The following AMPD1 variants were observed in gnomAD, a reference collection of about 807,000 sequenced individuals.
AMPD1 encodes the protein AMP deaminase 1.
In AMPD1, 74 loss-of-function variants were observed where a neutral mutation model predicts 82.9. The ratio of observed to expected loss-of-function variants is 0.89; its 90% CI spans 0.74 to 1.08. The LOEUF is 1.08. Among genes scored for constraint, AMPD1 ranks in the 50% least tolerant of loss-of-function variants. The pLI is 0.00. For missense variants in AMPD1, 881 were observed against 924.5 expected, an observed-to-expected ratio of 0.95 and a Z score of 0.61; for synonymous variants, 333 against 320.5, an observed-to-expected ratio of 1.04 and a Z score of -0.42.
At chr1:114,678,073 A>G in intron 8 of AMPD1, 32 bp from the exon 9 acceptor site, 19 of 1,613,240 alleles carry the variant, frequency 1.2e-5, no homozygotes, top group Non-Finnish European at 1.6e-5. Context: ...GAGATGTATT[A>G]TTACCAGAGC....
In AMPD1 at chr1:114,677,955, C is replaced by T; in HGVS notation, c.1179G>A (p.Lys393=). Residue 393 remains lysine, a synonymous_variant, in exon 9 of 16, where the codon AAG becomes AAA. Transcript: ENST00000520113. ...ATTCCCCATTAATGTAATTGTCTGT[C>T]TTCAAGTAGAGGTCCCGTAGCTCAC... ...GASELRDLYL[K]TDNYINGEYF... The T allele has an allele frequency of 6.2e-7, 1 of 1,613,932 alleles. No homozygotes were observed. The highest frequency in any genetic ancestry group is 8.5e-7 in the Non-Finnish European group (1 of 1,179,980).
chr1:114,695,473 G>C lies in AMPD1; in HGVS notation c.-2C>G, dbSNP rs192509679. The stretch of plus-strand genomic sequence containing the variant: ...ACCTGGGAGTTTGAACAGAGGCATT[G>C]TTGCTGAAATCCTTGATTCTAGGAT... On this transcript the variant is annotated 5_prime_UTR_variant, in exon 1 of 16. Transcript: ENST00000520113. 1 of 1,613,842 alleles carries C rather than the reference G, an allele frequency of 6.2e-7. No individual in the cohort carries two copies. Among genetic ancestry groups the C allele is most frequent in the Non-Finnish European group, 8.5e-7 (1 of 1,179,956 alleles).
chr1:114,677,664 T>C, intron 9 of AMPD1, 150 bp from the exon 10 acceptor site: 5 of 1,172,998 alleles, frequency 4.3e-6, no homozygotes, highest in Non-Finnish European at 6.1e-6. Flanking sequence ...TTAATTTCTC[T>C]ACCTTAGCAA....
At chr1:114,680,771 A>G (rs1186099181) in intron 5 of AMPD1, among the ~76,000 whole-genome samples, 1 of 152,172 alleles carries the variant, frequency 6.6e-6, no homozygotes, top group Non-Finnish European at 1.5e-5. Context: ...GTTTGAGACC[A>G]GCCTGACCAA....
intron 2 of AMPD1, chr1:114,688,973 A>T: frequency 1.4e-6 from 1 of 729,978 alleles, no homozygotes; most frequent in Middle Eastern, 2.3e-4. Context: ...AGCACATTTC[A>T]GAACAGTCCT....
intron 1 of AMPD1, 159 bp downstream of exon 1, chr1:114,695,291 C>T (rs1422323036): frequency 8.6e-6 from 10 of 1,158,766 alleles, no homozygotes; most frequent in Middle Eastern, 2.9e-4. Context: ...AAACAAAAAA[C>T]CCTTGAAAAT....
Position 114,673,301 on chromosome 1 carries a change from T to C in AMPD1, c.2086-29A>G, listed in dbSNP as rs767365369. On this transcript the variant is annotated intron_variant, in intron 15 of 15. Transcript: ENST00000520113. ...TAAGAGAAAAGGATGGCAGAATGAT[T>C]GTTGTCTCTTTTCACCCTGGTATAG... 17 of 1,612,764 alleles carry C rather than the reference T, an allele frequency of 1.1e-5. No individual in the cohort carries two copies. In the South Asian group the frequency reaches 1.8e-4, roughly 17 times the overall value.
chr1:114,681,099 A>T (rs1658145849), intron 5 of AMPD1, among the ~76,000 whole-genome samples: 1 of 152,244 alleles, frequency 6.6e-6, no homozygotes, highest in Non-Finnish European at 1.5e-5. Context: ...GAAGTTTGTC[A>T]TCAAAGGCTT....
rs775788519 is a variant in AMPD1, at chr1:114,684,286, A to G, written c.460T>C (p.Ser154Pro). The G allele has an allele frequency of 7.4e-6, 12 of 1,613,952 alleles. No homozygotes were observed. Among genetic ancestry groups the G allele is most frequent in the Non-Finnish European group, 1.7e-6 (2 of 1,180,034 alleles). ...LCIREKYMQK[S>P]FQRFPKTPSK... ...GGGGTTTTAGGGAACCTCTGAAACG[A>G]CTTCTGCATGTATTTCTCACGTATG... The change falls in exon 5 of 16, where the codon TCG (serine) becomes CCG (proline). Residue 154 changes from serine (S) to proline (P), a missense_variant. This residue lies in a region of AMPD1 where 783 missense variants were observed against 786.4 expected (regional missense o/e 1.00). Coordinates refer to ENST00000520113, the MANE Select transcript of AMPD1 (RefSeq NM_000036.3).
chr1:114,682,438 A>AT (rs1658184740), intron 5 of AMPD1, among the ~76,000 whole-genome samples: 1 of 152,180 alleles, frequency 6.6e-6, no homozygotes, highest in South Asian at 2.1e-4. Context: ...AAATGTCTAT[A>AT]TTATAGAGGA....
At chr1:114,677,799 C>CCCCTTCCT (rs1557969503) in intron 9 of AMPD1, 111 bp downstream of exon 9, 1 of 508,814 alleles carries the variant, frequency 2.0e-6, no homozygotes, top group African/African-American at 2.6e-5. Flanking sequence ...CCCTCTCTCC[C>CCCCTTCCT]TCCTTCCTTC....
chr1:114,684,323 A>G lies in AMPD1; in HGVS notation c.423T>C (p.Tyr141=). The change falls in exon 5 of 16, where the codon TAT becomes TAC. Residue 141 remains tyrosine (Y), a synonymous_variant. Transcript: ENST00000520113. ...EDFEIVCKGL[Y]RALCIREKYM... ...ATTTCTCACGTATGCATAGTGCCCG[A>G]TACAGACCTTTGCAAACAATTTCAA... 1 of 1,614,080 alleles carries G rather than the reference A, an allele frequency of 6.2e-7. No individual in the cohort carries two copies. The highest frequency in any genetic ancestry group is 8.5e-7 in the Non-Finnish European group (1 of 1,180,036).
At chr1:114,684,409 A>C (rs772345431) in intron 4 of AMPD1, 45 bp from the exon 5 acceptor site, 1 of 1,602,314 alleles carries the variant, frequency 6.2e-7, no homozygotes, top group Non-Finnish European at 8.5e-7. Flanking sequence ...AATCCCACGA[A>C]AAACTGAGAA....
intron 5 of AMPD1, among the ~76,000 whole-genome samples, chr1:114,681,332 C>T (rs1570844261): frequency 6.6e-6 from 1 of 151,754 alleles, no homozygotes; most frequent in African/African-American, 2.4e-5. Context: ...CAGTGACTCA[C>T]GCCTGTAATC....
Position 114,688,504 on chromosome 1 carries a change from T to A in AMPD1, c.215+57A>T, listed in dbSNP as rs115120750. 2.9e-4 allele frequency: 463 copies of A among 1,570,314 alleles called. No individual in the cohort carries two copies. In the African/African-American group the frequency reaches 5.6e-3, roughly 19 times the overall value. On this transcript the variant is annotated intron_variant, in intron 3 of 15. Transcript: ENST00000520113. ...TGGATAAATTGAACCATATCTTCCC[T>A]GGCAGATACCCCTCCTTAGGTGCCA...
chr1:114,682,782 G>T (rs972948970), intron 5 of AMPD1, among the ~76,000 whole-genome samples: 1 of 152,114 alleles, frequency 6.6e-6, no homozygotes. Flanking sequence ...GTTTCACCGT[G>T]TTAGCCAAGA....
At chr1:114,675,443 T>G (rs1309385487) in intron 12 of AMPD1, 87 bp downstream of exon 12, 2 of 1,408,474 alleles carry the variant, frequency 1.4e-6, no homozygotes, top group African/African-American at 1.4e-5. Context: ...CAGTAATGCA[T>G]GAGGCCCCTG....
At chr1:114,685,299 G>C (rs770124812) in intron 4 of AMPD1, among the ~76,000 whole-genome samples, 1 of 152,178 alleles carries the variant, frequency 6.6e-6, no homozygotes. Context: ...TCAAGAATGA[G>C]AGCTGGGTCT....
At position 114,686,918 on chromosome 1, in the gene AMPD1, C is replaced by A; in HGVS notation, c.216-8G>T. 1 of 1,613,916 alleles carries A rather than the reference C, an allele frequency of 6.2e-7. No homozygotes were observed. The highest frequency in any genetic ancestry group is 1.3e-5 in the African/African-American group (1 of 74,956). ...CCTTGGAAACGCTTTTTTCTGGGTT[C>A]GAAATTTAAAAGTAAGAGTTAATTT... is the stretch of plus-strand genomic sequence containing the variant. On this transcript the variant is annotated splice_region_variant and splice_polypyrimidine_tract_variant and intron_variant, in intron 3 of 15. Transcript: ENST00000520113.
Sources: gnomAD v4.1 joint callset for allele counts (sites outside exome capture counted in the v4.1 genomes callset) on GRCh38, gnomAD v4.1.1 for gene constraint, gnomAD v4.1.1 regional missense constraint, MANE v1.5 for transcripts, NCBI Gene and HGNC (gene_info 2026-07-23, HGNC 2026-07-21) for gene names.